The following UBE2T variants were observed in gnomAD, a reference collection of about 807,000 sequenced individuals.
UBE2T encodes ubiquitin-conjugating enzyme E2 T.
UBE2T carries 15 observed loss-of-function variants against 23.3 expected under a neutral mutation model. The ratio of observed to expected loss-of-function variants is 0.64; its 90% CI spans 0.43 to 0.99. The LOEUF (loss-of-function observed/expected upper bound fraction) is 0.99. Among genes scored for constraint, UBE2T ranks in the 50% least tolerant of loss-of-function variants. The pLI is 0.00. For missense variants in UBE2T, 197 were observed against 234.9 expected, an observed-to-expected ratio of 0.84 and a Z score of 1.05; for synonymous variants, 67 against 78.4, an observed-to-expected ratio of 0.85 and a Z score of 0.77.
At chr1:202,338,422 T>C (rs1654932212) in intron 1 of UBE2T, among the ~76,000 whole-genome samples, 2 of 152,084 alleles carry the variant, frequency 1.3e-5, no homozygotes, top group African/African-American at 2.4e-5. Flanking sequence ...GGTTTCTCCA[T>C]GTTAGTGAGG....
Position 202,333,521 on chromosome 1 carries a change from T to C in UBE2T, c.214A>G (p.Thr72Ala). 1 of 1,614,036 alleles carries C rather than the reference T, an allele frequency of 6.2e-7. No individual in the cohort carries two copies. Among genetic ancestry groups the C allele is most frequent in the Non-Finnish European group, 8.5e-7 (1 of 1,180,008 alleles). ...PFEPPQIRFL[T>A]PIYHPNIDSA... is the part of the protein sequence containing the mutation. ...TCAATGTTTGGATGATAAATTGGAG[T>C]GAGAAATCGGATCTGAGGAGGTTCA... Residue 72 changes from threonine (T) to alanine (A), a missense_variant, in exon 4 of 7, where the codon ACT becomes GCT. Transcript: ENST00000646651.
At chr1:202,340,510 T>G (rs1654977604) in intron 1 of UBE2T, among the ~76,000 whole-genome samples, 1 of 150,852 alleles carries the variant, frequency 6.6e-6, no homozygotes, top group South Asian at 2.1e-4. Flanking sequence ...CGAGACCCTT[T>G]CTTAAAAAAA....
rs1200058307 is a variant in UBE2T, at chr1:202,335,039, G to A, written c.129C>T (p.Asn43=). The change falls in exon 3 of 7, where the codon AAC becomes AAT. Residue 43 remains asparagine (N), a synonymous_variant. Transcript: ENST00000646651. The surrounding 1 kb of genome is among the most constrained non-coding windows in gnomAD (Gnocchi z 4.0). ...TAAAAACACCTTTCTCATAAGGTGT[G>A]TTGGCTCCACCTAATATTTCTTAAA... ...DLRAQILGGA[N]TPYEKGVFKL... is the part of the protein sequence containing the mutation. 3 of 1,611,766 alleles carry A rather than the reference G, an allele frequency of 1.9e-6. No individual in the cohort carries two copies. In the East Asian group the frequency reaches 6.7e-5, roughly 36 times the overall value.
At chr1:202,339,599 CAAAA>C (rs56088102) in intron 1 of UBE2T, among the ~76,000 whole-genome samples, 1 of 79,048 alleles carries the variant, frequency 1.3e-5, no homozygotes, top group African/African-American at 4.6e-5. Context: ...GACTCTGTCT[CAAAA>C]AAAAAAAAAA....
In UBE2T at chr1:202,331,975, G is replaced by A; in HGVS notation, c.469-15C>T. 2 of 1,613,658 alleles carry A rather than the reference G, an allele frequency of 1.2e-6. No individual in the cohort carries two copies. Among genetic ancestry groups the A allele is most frequent in the Non-Finnish European group, 1.7e-6 (2 of 1,179,788 alleles). ...TCCTCATCAGCCTAAAGAGGAGACA[G>A]GGTGAAACACAGTAAGGTTCACACA... On this transcript the variant is annotated splice_polypyrimidine_tract_variant and intron_variant, in intron 6 of 6. Coordinates refer to ENST00000646651, the MANE Select transcript of UBE2T (RefSeq NM_014176.4).
chr1:202,331,754 A>G lies in UBE2T; in HGVS notation c.*81T>C, dbSNP rs938693525. On this transcript the variant is annotated 3_prime_UTR_variant, in exon 7 of 7. Transcript: ENST00000646651. ...ACACAAAAATTATGTCATCAAATAT[A>G]TTTAAAAAAAAATTCAAGGTAGGCA... is the stretch of plus-strand genomic sequence containing the variant. 6 of 1,541,096 alleles carry G rather than the reference A, an allele frequency of 3.9e-6. No individual in the cohort carries two copies. The African/African-American group carries it at 5.5e-5, about 14-fold the overall frequency.
intron 1 of UBE2T, among the ~76,000 whole-genome samples, chr1:202,338,686 T>C (rs1275966010): frequency 2.6e-5 from 4 of 152,114 alleles, no homozygotes. Flanking sequence ...ATTCTGACAG[T>C]AACTTCTAGT....
chr1:202,337,433 T>C (rs1654913108), intron 1 of UBE2T, among the ~76,000 whole-genome samples: 1 of 152,214 alleles, frequency 6.6e-6, no homozygotes, highest in Non-Finnish European at 1.5e-5. Context: ...AGCCTTCAAA[T>C]ATTTTATAAT....
rs1291619605 is a variant in UBE2T at position 202,333,318 on chromosome 1, G to T, written c.303C>A (p.Ser101=). The T allele has an allele frequency of 6.2e-7, 1 of 1,614,022 alleles. No individual in the cohort carries two copies. The highest frequency in any genetic ancestry group is 2.2e-5 in the East Asian group (1 of 44,898). Reference sequence around the variant, plus strand: ...AGGTCAACACAGTTGCGATGTTGAGGGATGGTCTCCAAGCACCCTATATAC... The same window carrying T: ...AGGTCAACACAGTTGCGATGTTGAGTGATGGTCTCCAAGCACCCTATATAC... ...KLPPKGAWRP[S]LNIATVLTSI... is the part of the protein sequence containing the mutation. The change falls in exon 5 of 7, where the codon TCC becomes TCA. Residue 101 remains serine, a synonymous_variant. Coordinates refer to ENST00000646651, the MANE Select transcript of UBE2T (RefSeq NM_014176.4).
Position 202,335,075 on chromosome 1 carries a change from AAG to A in UBE2T, c.110-19_110-18del. 1 of 1,594,912 alleles carries A rather than the reference AAG, an allele frequency of 6.3e-7. No individual in the cohort carries two copies. The highest frequency in any genetic ancestry group is 8.6e-7 in the Non-Finnish European group (1 of 1,167,976). On this transcript the variant is annotated intron_variant, in intron 2 of 6. Transcript: ENST00000646651. The surrounding 1 kb of genome is among the most constrained non-coding windows in gnomAD (Gnocchi z 4.0). ...CTAATATTTCTTAAAAGAAAAAAGA[AAG>A]AAAAAGTTAAAAGGGAATCAGATCA...
chr1:202,338,798 G>C (rs1047502759), intron 1 of UBE2T, among the ~76,000 whole-genome samples: 1 of 151,854 alleles, frequency 6.6e-6, no homozygotes, highest in East Asian at 1.9e-4. Flanking sequence ...ACCTGAGCCC[G>C]GGGAGACTGA....
chr1:202,333,178 A>G (rs1571470020), intron 5 of UBE2T, 59 bp downstream of exon 5: 1 of 1,605,590 alleles, frequency 6.2e-7, no homozygotes, highest in Non-Finnish European at 8.5e-7. Flanking sequence ...TCACACAGGG[A>G]GAGTTAGCGG....
chr1:202,334,664 C>T (rs555894914), intron 3 of UBE2T, among the ~76,000 whole-genome samples: 4 of 152,234 alleles, frequency 2.6e-5, no homozygotes, highest in African/African-American at 7.2e-5. Context: ...ATGAAAAGTT[C>T]TGGAGATAAA....
At chr1:202,341,012 TA>T (rs1294100710) in intron 1 of UBE2T, among the ~76,000 whole-genome samples, 10 of 152,194 alleles carry the variant, frequency 6.6e-5, no homozygotes, top group African/African-American at 2.4e-4. Flanking sequence ...CTGCTGCCCA[TA>T]AAAGTTTTAT....
At chr1:202,334,199 C>A (rs576518206) in intron 3 of UBE2T, among the ~76,000 whole-genome samples, 1 of 152,252 alleles carries the variant, frequency 6.6e-6, no homozygotes, top group Admixed American at 6.5e-5. Context: ...CTGTAACTCA[C>A]CTGATGAGAG....
At chr1:202,340,145 G>A (rs1434536361) in intron 1 of UBE2T, among the ~76,000 whole-genome samples, 2 of 152,054 alleles carry the variant, frequency 1.3e-5, no homozygotes, top group African/African-American at 4.8e-5. Context: ...AGAAGGTGGA[G>A]GTTACAGTGG....
chr1:202,334,406 G>C (rs1215114105), intron 3 of UBE2T, among the ~76,000 whole-genome samples: 1 of 152,094 alleles, frequency 6.6e-6, no homozygotes, highest in Non-Finnish European at 1.5e-5. Flanking sequence ...GACAGAGAAG[G>C]GCAAAACTAC....
intron 3 of UBE2T, among the ~76,000 whole-genome samples, chr1:202,334,472 G>C (rs1180295664): frequency 2.6e-5 from 4 of 152,146 alleles, no homozygotes; most frequent in Admixed American, 6.6e-5. Flanking sequence ...AAATCCCCGT[G>C]ATATCATGAG....
rs1399764000 is a variant in UBE2T at position 202,335,067 on chromosome 1, A to G, written c.110-9T>C. 1 of 1,603,264 alleles carries G rather than the reference A, an allele frequency of 6.2e-7. No individual in the cohort carries two copies. Among genetic ancestry groups the G allele is most frequent in the Admixed American group, 1.7e-5 (1 of 58,814 alleles). On this transcript the variant is annotated splice_polypyrimidine_tract_variant and intron_variant, in intron 2 of 6. Transcript: ENST00000646651. This position sits in a 1 kb window ranked among gnomAD's most constrained non-coding sequence, Gnocchi z 4.0. ...GGCTCCACCTAATATTTCTTAAAAG[A>G]AAAAAGAAAGAAAAAGTTAAAAGGG... is the stretch of plus-strand genomic sequence containing the variant.
Sources: gnomAD v4.1 joint callset for allele counts (sites outside exome capture counted in the v4.1 genomes callset) on GRCh38, gnomAD v4.1.1 for gene constraint, Gnocchi (gnomAD v3.1) non-coding constraint, MANE v1.5 for transcripts, NCBI Gene and HGNC (gene_info 2026-07-23, HGNC 2026-07-21) for gene names.